NAALADL2: variants seen among roughly 807,000 people sequenced by gnomAD.
The protein encoded by NAALADL2 is N-acetylated alpha-linked acidic dipeptidase like 2.
In NAALADL2, 76 loss-of-function variants were observed where a neutral mutation model predicts 87.2. That is an observed-to-expected ratio of 0.87 (90% confidence interval 0.72 to 1.05). The LOEUF is 1.05. Among genes scored for constraint, NAALADL2 ranks in the 50% least tolerant of loss-of-function variants. The probability of loss-of-function intolerance (pLI) is 0.00; values close to 1 mark genes in which losing one functional copy is unlikely to be tolerated. For synonymous variants in NAALADL2, 354 were observed against 331.0 expected (o/e 1.07, Z -0.75); for missense variants, 1,089 against 945.8 (o/e 1.15, Z -1.99).
In NAALADL2 at chr3:174,770,140, A is replaced by C. The variant is rs1560210155; in HGVS notation, c.-9+32394A>C. On this transcript the variant is annotated intron_variant, in intron 3 of 3. Coordinates refer to the NAALADL2 transcript ENST00000434257. ...CACTCATGTACACAAACACACATGC[A>C]TGTACATGAAGAGAACTGTACAAAT... Among the ~76,000 whole-genome samples the C allele has an allele frequency of 3.9e-5, 6 of 152,232 alleles. No individual in the cohort carries two copies. In the East Asian group the frequency reaches 1.2e-3, roughly 29 times the overall value.
intron 5 of NAALADL2, among the ~76,000 whole-genome samples, chr3:175,343,677 C>CTTTTT (rs1560398617): frequency 1.3e-5 from 1 of 78,882 alleles, no homozygotes; most frequent in Non-Finnish European, 2.8e-5. Context: ...TTTTTTTTTT[C>CTTTTT]CCTTCCCACT....
intron 4 of NAALADL2, among the ~76,000 whole-genome samples, chr3:175,277,248 TA>T (rs1753726952): frequency 6.6e-6 from 1 of 152,198 alleles, no homozygotes; most frequent in African/African-American, 2.4e-5. Context: ...AACATATCTT[TA>T]CTACCCATAT....
intron 9 of NAALADL2, among the ~76,000 whole-genome samples, chr3:175,497,377 A>T (rs1728961617): frequency 6.6e-6 from 1 of 152,248 alleles, no homozygotes; most frequent in African/African-American, 2.4e-5. Context: ...AGAAGTTCAG[A>T]CATTTGCAGA....
intron 11 of NAALADL2, among the ~76,000 whole-genome samples, chr3:175,728,137 G>A (rs1019634901): frequency 2.6e-5 from 4 of 152,032 alleles, no homozygotes; most frequent in Admixed American, 2.0e-4. Context: ...CTTGCTATAG[G>A]TCAAGGGGAG....
At chr3:174,784,138 A>C (rs1177893750) in intron 3 of NAALADL2, among the ~76,000 whole-genome samples, 1 of 152,188 alleles carries the variant, frequency 6.6e-6, no homozygotes, top group Non-Finnish European at 1.5e-5. Context: ...CTTGTTCTGC[A>C]ACACGTATTT....
intron 5 of NAALADL2, among the ~76,000 whole-genome samples, chr3:175,423,785 A>G (rs1031124206): frequency 2.0e-5 from 3 of 152,170 alleles, no homozygotes; most frequent in Non-Finnish European, 4.4e-5. Context: ...ACACCCAGTA[A>G]TGGGATTGGT....
At chr3:175,092,706 C>A (rs1026855679) in intron 1 of NAALADL2, among the ~76,000 whole-genome samples, 1 of 151,626 alleles carries the variant, frequency 6.6e-6, no homozygotes, top group South Asian at 2.1e-4. Context: ...CTGTCACAGT[C>A]CAGAAAAATA....
intron 11 of NAALADL2, among the ~76,000 whole-genome samples, chr3:175,727,780 C>A (rs2150052830): frequency 6.6e-6 from 1 of 152,280 alleles, no homozygotes; most frequent in East Asian, 1.9e-4. Flanking sequence ...GAAGCAAGGC[C>A]TTTGGCAAGG....
At position 175,366,377 on chromosome 3, in the gene NAALADL2, A is replaced by G. The variant is rs558525686; in HGVS notation, c.1090+42052A>G. On this transcript the variant is annotated intron_variant, in intron 5 of 13. Coordinates refer to ENST00000454872, the MANE Select transcript of NAALADL2 (RefSeq NM_207015.3). ...ATAGTCCTTTGGGTATATACCCAGTAATGGGATTGGTGGGTCAAATGGTAT... is the reference window on the plus strand; with the variant it reads ...ATAGTCCTTTGGGTATATACCCAGTGATGGGATTGGTGGGTCAAATGGTAT... Among the ~76,000 whole-genome samples, 130 of 151,996 alleles carry G rather than the reference A, an allele frequency of 8.6e-4. 4 individuals are homozygous for G. Among genetic ancestry groups the G allele is most frequent in the Middle Eastern group, 3.4e-3 (1 of 294 alleles).
intron 3 of NAALADL2, among the ~76,000 whole-genome samples, chr3:175,237,945 A>ATTTAAAAATGTAT (rs1231047043): frequency 6.6e-6 from 1 of 152,204 alleles, no homozygotes; most frequent in Non-Finnish European, 1.5e-5. Flanking sequence ...CAATTTAAAA[A>ATTTAAAAATGTAT]TGAAAAACTT....
At chr3:174,513,356 A>G (rs1292118326) in intron 1 of NAALADL2, among the ~76,000 whole-genome samples, 1 of 152,132 alleles carries the variant, frequency 6.6e-6, no homozygotes, top group East Asian at 1.9e-4. Context: ...TCTCTTAATG[A>G]TTTATTTTTT....
At chr3:175,129,200 T>G (rs1255080747) in intron 2 of NAALADL2, among the ~76,000 whole-genome samples, 1 of 152,036 alleles carries the variant, frequency 6.6e-6, no homozygotes, top group Non-Finnish European at 1.5e-5. Flanking sequence ...CTGTCTCAGC[T>G]TCCCAAATTG....
At chr3:175,676,536 C>G (rs1475136938) in intron 11 of NAALADL2, 1 of 152,018 alleles carries the variant, frequency 6.6e-6, no homozygotes, top group Non-Finnish European at 1.5e-5. Context: ...CATGCAGAAT[C>G]AGAGCTGGCT....
chr3:174,964,799 C>T (rs1412053234), intron 1 of NAALADL2, among the ~76,000 whole-genome samples: 1 of 151,510 alleles, frequency 6.6e-6, no homozygotes, highest in Non-Finnish European at 1.5e-5. Flanking sequence ...GGGCCAGATA[C>T]TGTTCTATGT....
chr3:174,779,230 T>C (rs544076982), intron 3 of NAALADL2, among the ~76,000 whole-genome samples: 16 of 152,340 alleles, frequency 1.1e-4, no homozygotes, highest in African/African-American at 3.8e-4. Context: ...TAATGACCAG[T>C]GATGATGAGC....
intron 9 of NAALADL2, among the ~76,000 whole-genome samples, chr3:175,533,474 C>G (rs1245777972): frequency 6.6e-6 from 1 of 152,158 alleles, no homozygotes; most frequent in African/African-American, 2.4e-5. Flanking sequence ...AGTTTGATCT[C>G]CTCAGAAAGG....
intron 10 of NAALADL2, chr3:175,581,223 C>A (rs1043022470): frequency 9.5e-6 from 3 of 316,764 alleles, no homozygotes; most frequent in South Asian, 2.5e-5. Flanking sequence ...GGGAGGATCA[C>A]CGGAGGTCAG....
At chr3:175,714,533 G>A (rs1222325323) in intron 11 of NAALADL2, among the ~76,000 whole-genome samples, 1 of 152,098 alleles carries the variant, frequency 6.6e-6, no homozygotes, top group Non-Finnish European at 1.5e-5. Flanking sequence ...GTCTTCTTTT[G>A]AGAAGTGTCT....
intron 5 of NAALADL2, among the ~76,000 whole-genome samples, chr3:175,366,089 G>T (rs1459338847): frequency 8.2e-6 from 1 of 121,330 alleles, no homozygotes; most frequent in Admixed American, 1.1e-4. Flanking sequence ...ATTCCCATCT[G>T]TGAGTGAGAA....
Sources: allele counts gnomAD v4.1 joint callset (sites outside exome capture counted in the v4.1 genomes callset), GRCh38; gene constraint gnomAD v4.1.1; transcripts MANE v1.5; gene names NCBI Gene and HGNC (gene_info 2026-07-23, HGNC 2026-07-21).